The following UBE3A variants were observed in gnomAD, a reference collection of about 807,000 sequenced individuals.
The protein encoded by UBE3A is ubiquitin-protein ligase E3A.
UBE3A carries 6 observed loss-of-function variants against 83.4 expected under a neutral mutation model. The observed-to-expected ratio is 0.07, with a 90% CI of 0.04 to 0.14. The LOEUF (loss-of-function observed/expected upper bound fraction) is 0.14, where lower values mean the gene tolerates loss of function less well. UBE3A is among the 10% of genes least tolerant of loss of function. The pLI, the probability that UBE3A is intolerant of heterozygous loss-of-function variation, is 1.00. For synonymous variants in UBE3A, 337 were observed against 355.4 expected, an observed-to-expected ratio of 0.95 and a Z score of 0.58; for missense variants, 456 against 1,036.1, an observed-to-expected ratio of 0.44 and a Z score of 7.69.
rs1491004976 is a variant in UBE3A at position 25,433,205 on chromosome 15, TTC to T, written c.-165+5282_-165+5283del. Among the ~76,000 whole-genome samples, 12 of 150,978 alleles carry T rather than the reference TTC, an allele frequency of 7.9e-5. 1 individual carries two copies. The highest frequency in any genetic ancestry group is 1.9e-4 in the East Asian group (1 of 5,170). ...ACGTTTCTAAAAAGTTTTTTTTTTT[TTC>T]TTTGAGAGGCAGTCTCACTCTGTCG... On this transcript the variant is annotated intron_variant, in intron 1 of 12. Transcript: ENST00000648336.
At chr15:25,398,973 A>G (rs969407351) in intron 4 of UBE3A, among the ~76,000 whole-genome samples, 1 of 151,192 alleles carries the variant, frequency 6.6e-6, no homozygotes, top group African/African-American at 2.4e-5. Context: ...ATCATACTTT[A>G]ATAGCCATTC....
intron 1 of UBE3A, among the ~76,000 whole-genome samples, chr15:25,426,817 G>C (rs1460567302): frequency 6.6e-6 from 1 of 151,200 alleles, no homozygotes; most frequent in African/African-American, 2.4e-5. Flanking sequence ...TTTCAATGTG[G>C]CTGGTTATAA....
intron 6 of UBE3A, among the ~76,000 whole-genome samples, chr15:25,368,017 G>A (rs2079603946): frequency 6.6e-6 from 1 of 151,904 alleles, no homozygotes; most frequent in Non-Finnish European, 1.5e-5. Flanking sequence ...TCAATATTAA[G>A]CTTACCACAA....
chr15:25,334,159 C>CAA lies in UBE3A; in HGVS notation c.*4977_*4978insTT, dbSNP rs2073852081. 1 of 151,968 alleles carries CAA rather than the reference C, an allele frequency of 6.6e-6. No individual in the cohort carries two copies. Among genetic ancestry groups the CAA allele is most frequent in the South Asian group, 2.1e-4 (1 of 4,828 alleles). 9.4% of individuals were successfully genotyped at this position (151,968 alleles called of 1,614,324 possible). A position where few individuals can be genotyped will look rare whatever the true frequency, so the allele number is the denominator to read the frequency against. ...TGGAAAGGAAGAAGTAAAAGTATTT[C>CAA]TGTTCACAGATGCATGATCTCATAT... is the stretch of plus-strand genomic sequence containing the variant. On this transcript the variant is annotated 3_prime_UTR_variant, in exon 13 of 13. Coordinates refer to ENST00000648336, the MANE Select transcript of UBE3A (RefSeq NM_130839.5).
chr15:25,408,448 G>T, intron 3 of UBE3A: 1 of 896,268 alleles, frequency 1.1e-6, no homozygotes, highest in South Asian at 1.5e-5. Flanking sequence ...AGAATAACAA[G>T]TCAGAAATTT....
intron 4 of UBE3A, among the ~76,000 whole-genome samples, chr15:25,378,812 G>A (rs1310638339): frequency 7.2e-5 from 11 of 152,110 alleles, no homozygotes; most frequent in Non-Finnish European, 1.3e-4. Flanking sequence ...GAATCATAAC[G>A]TGAACCTCAC....
chr15:25,367,311 A>G (rs1038131403), intron 6 of UBE3A, among the ~76,000 whole-genome samples: 3 of 142,352 alleles, frequency 2.1e-5, no homozygotes, highest in East Asian at 4.2e-4. Context: ...TATTAAATTA[A>G]ATTACATATT....
intron 6 of UBE3A, among the ~76,000 whole-genome samples, chr15:25,369,847 A>G (rs745870349): frequency 5.9e-5 from 9 of 152,182 alleles, no homozygotes; most frequent in Non-Finnish European, 1.2e-4. Context: ...AAAACCAGGA[A>G]GTTAGGATGA....
chr15:25,437,851 G>T (rs939920845), intron 1 of UBE3A, among the ~76,000 whole-genome samples: 1 of 117,664 alleles, frequency 8.5e-6, no homozygotes, highest in Non-Finnish European at 1.9e-5. Context: ...ACACTGAAAA[G>T]GGGGGGGAAA....
At chr15:25,362,553 G>T (rs1166459580) in intron 6 of UBE3A, among the ~76,000 whole-genome samples, 1 of 152,154 alleles carries the variant, frequency 6.6e-6, no homozygotes, top group Non-Finnish European at 1.5e-5. Flanking sequence ...CTGAACAACA[G>T]ATTTGCAATT....
chr15:25,355,483 G>A (rs2077092647), intron 9 of UBE3A, among the ~76,000 whole-genome samples: 1 of 152,046 alleles, frequency 6.6e-6, no homozygotes, highest in South Asian at 2.1e-4. Context: ...CAAATCTGAC[G>A]TAAAGTATAC....
At chr15:25,364,640 T>G (rs927522718) in intron 6 of UBE3A, among the ~76,000 whole-genome samples, 2 of 133,384 alleles carry the variant, frequency 1.5e-5, no homozygotes, top group Admixed American at 7.2e-5. Flanking sequence ...GGGTTTTTTT[T>G]GTTTGTTTTT....
chr15:25,348,723 G>A (rs1015313000), intron 11 of UBE3A, among the ~76,000 whole-genome samples: 1 of 152,086 alleles, frequency 6.6e-6, no homozygotes, highest in Non-Finnish European at 1.5e-5. Context: ...AATAGCATTA[G>A]AAACATATTT....
rs1372915815 is a variant in UBE3A at position 25,334,283 on chromosome 15, T to A, written c.*4854A>T. ...TTTTATTTCTAACACCAGTGATGAA[T>A]ACAAAAATAAAAATTAGAAAATAAT... On this transcript the variant is annotated 3_prime_UTR_variant, in exon 13 of 13. Transcript: ENST00000648336. 2 of 152,004 alleles carry A rather than the reference T, an allele frequency of 1.3e-5. No homozygotes were observed. Among genetic ancestry groups the A allele is most frequent in the Non-Finnish European group, 2.9e-5 (2 of 68,010 alleles). The allele number at this position is 152,004 out of a possible 1,614,324, so 9.4% of individuals were successfully genotyped here.
chr15:25,339,011 T>C lies in UBE3A; in HGVS notation c.*126A>G. 1 of 1,133,970 alleles carries C rather than the reference T, an allele frequency of 8.8e-7. No individual in the cohort carries two copies. Among genetic ancestry groups the C allele is most frequent in the Non-Finnish European group, 1.2e-6 (1 of 844,720 alleles). The allele number at this position is 1,133,970 out of a possible 1,614,324, so 70.2% of individuals were successfully genotyped here. On this transcript the variant is annotated 3_prime_UTR_variant, in exon 13 of 13. Transcript: ENST00000648336. ...AGGTGACTACTGTGGTTGACTATCT[T>C]ACAGCCTTTTTGTACTGGGACACTA...
At chr15:25,355,524 G>T (rs1464323790) in intron 9 of UBE3A, among the ~76,000 whole-genome samples, 1 of 152,108 alleles carries the variant, frequency 6.6e-6, no homozygotes, top group Non-Finnish European at 1.5e-5. Context: ...TCACAAACAG[G>T]ATATACATGT....
rs1393166352 is a variant in UBE3A, at chr15:25,370,129, CTG to C, written c.1608+435_1608+436del. On this transcript the variant is annotated intron_variant, in intron 6 of 12. Coordinates refer to ENST00000648336, the MANE Select transcript of UBE3A (RefSeq NM_130839.5). The surrounding 1 kb of genome is among the most constrained non-coding windows in gnomAD (Gnocchi z 4.2). ...TCATCAAGTCCACAATAATGCAACT[CTG>C]AATTTTACACGATGGAATTTTTTGG... is the stretch of plus-strand genomic sequence containing the variant. 1.3e-5 allele frequency among the ~76,000 whole-genome samples: 2 copies of C among 152,178 alleles called. No homozygotes were observed. Among genetic ancestry groups the C allele is most frequent in the African/African-American group, 4.8e-5 (2 of 41,444 alleles).
At chr15:25,424,640 A>G (rs1046511778) in intron 1 of UBE3A, among the ~76,000 whole-genome samples, 16 of 152,194 alleles carry the variant, frequency 1.1e-4, no homozygotes, top group Admixed American at 2.6e-4. Context: ...GTAGCCAACC[A>G]TTTGAAAGAT....
At chr15:25,431,657 T>G (rs1464784835) in intron 1 of UBE3A, among the ~76,000 whole-genome samples, 1 of 152,080 alleles carries the variant, frequency 6.6e-6, no homozygotes, top group East Asian at 1.9e-4. Flanking sequence ...CAGCATATTT[T>G]CAATCACCAA....
Sources: allele counts gnomAD v4.1 joint callset (sites outside exome capture counted in the v4.1 genomes callset), GRCh38; gene constraint gnomAD v4.1.1; non-coding constraint Gnocchi (gnomAD v3.1); transcripts MANE v1.5; gene names NCBI Gene and HGNC (gene_info 2026-07-23, HGNC 2026-07-21).